Variants in CCDC6 observed in about 807,000 individuals in gnomAD.
CCDC6 encodes the protein coiled-coil domain-containing protein 6.
Under a neutral mutation model 56.6 loss-of-function variants are expected in CCDC6, and 20 were observed. The ratio of observed to expected loss-of-function variants is 0.35; its 90% CI spans 0.25 to 0.51. The LOEUF is 0.51. Ranked by LOEUF, CCDC6 falls within the 20% of genes least tolerant of loss-of-function variation. The pLI, the probability that CCDC6 is intolerant of heterozygous loss-of-function variation, is 0.95. For synonymous variants in CCDC6, 241 were observed against 234.4 expected, an observed-to-expected ratio of 1.03 and a Z score of -0.26; for missense variants, 367 against 601.1, an observed-to-expected ratio of 0.61 and a Z score of 4.07.
chr10:59,876,389 C>A (rs2440906), intron 1 of CCDC6, among the ~76,000 whole-genome samples: 115,318 of 151,684 alleles, frequency 0.76, 44,083 homozygotes, highest in East Asian at 0.9. Flanking sequence ...GCATTACATG[C>A]CCAGCTGCCT....
At chr10:59,806,471 C>T (rs1263223438) in intron 6 of CCDC6, 1 of 153,272 alleles carries the variant, frequency 6.5e-6, no homozygotes, top group Non-Finnish European at 1.5e-5. Context: ...TAAGGCAAGT[C>T]CTTGGGATTT....
chr10:59,830,337 T>C (rs2070825084), intron 3 of CCDC6, among the ~76,000 whole-genome samples: 1 of 152,128 alleles, frequency 6.6e-6, no homozygotes, highest in Non-Finnish European at 1.5e-5. Context: ...AGAGATGGGC[T>C]CAAGGGCTGG....
rs775043755 is a variant in CCDC6 at position 59,792,623 on chromosome 10, T to C, written c.*294A>G. Reference sequence around the variant, plus strand: ...AATGAAGCTCTGGGCCAAGCAAAAATTGCACACTGCTGCTGAAATACCAAA... The same window carrying C: ...AATGAAGCTCTGGGCCAAGCAAAAACTGCACACTGCTGCTGAAATACCAAA... On this transcript the variant is annotated 3_prime_UTR_variant, in exon 9 of 9. Coordinates refer to ENST00000263102, the MANE Select transcript of CCDC6 (RefSeq NM_005436.5). 7.2e-6 allele frequency: 5 copies of C among 691,070 alleles called. No individual in the cohort carries two copies. Among genetic ancestry groups the C allele is most frequent in the African/African-American group, 5.2e-5 (3 of 58,004 alleles). The allele number at this position is 691,070 out of a possible 1,614,324, so 42.8% of individuals were successfully genotyped here.
chr10:59,862,010 T>A (rs2071132811), intron 1 of CCDC6, among the ~76,000 whole-genome samples: 1 of 151,674 alleles, frequency 6.6e-6, no homozygotes, highest in South Asian at 2.1e-4. Flanking sequence ...AACAGACCCA[T>A]CTCCCCAAAT....
chr10:59,796,236 A>T (rs2070517170), intron 7 of CCDC6, among the ~76,000 whole-genome samples: 1 of 151,294 alleles, frequency 6.6e-6, no homozygotes, highest in African/African-American at 2.4e-5. Flanking sequence ...AGTGATGGTG[A>T]GCATTTTTTC....
Position 59,796,507 on chromosome 10 carries a change from G to A in CCDC6, c.1106-1910C>T, listed in dbSNP as rs532552404. Among the ~76,000 whole-genome samples, 3 of 152,130 alleles carry A rather than the reference G, an allele frequency of 2.0e-5. No homozygotes were observed. In the South Asian group the frequency reaches 6.2e-4, roughly 32 times the overall value. On this transcript the variant is annotated intron_variant, in intron 7 of 8. Transcript: ENST00000263102. ...TACACTGTTGGTAGGAATGTAAAAT[G>A]GTGCATCCACTATGGAAATCAGTAT... is the stretch of plus-strand genomic sequence containing the variant.
At chr10:59,818,499 G>GGA (rs1554883209) in intron 3 of CCDC6, among the ~76,000 whole-genome samples, 1 of 116,074 alleles carries the variant, frequency 8.6e-6, no homozygotes, top group African/African-American at 3.9e-5. Flanking sequence ...TGTTGACGGG[G>GGA]GGGGGGGAAG....
At chr10:59,900,952 G>A (rs1349390063) in intron 1 of CCDC6, among the ~76,000 whole-genome samples, 1 of 152,132 alleles carries the variant, frequency 6.6e-6, no homozygotes, top group Non-Finnish European at 1.5e-5. Flanking sequence ...CAGCTAGTAG[G>A]GAGGCTGAGG....
intron 2 of CCDC6, among the ~76,000 whole-genome samples, chr10:59,847,780 A>T (rs1317837762): frequency 6.6e-6 from 1 of 151,052 alleles, no homozygotes; most frequent in Non-Finnish European, 1.5e-5. Flanking sequence ...ACCCAAGTAT[A>T]ATTACTCTAT....
At chr10:59,825,712 T>C (rs2070782657) in intron 3 of CCDC6, among the ~76,000 whole-genome samples, 3 of 152,240 alleles carry the variant, frequency 2.0e-5, no homozygotes, top group Non-Finnish European at 4.4e-5. Flanking sequence ...GGTTATATTT[T>C]TGAATGAATT....
intron 8 of CCDC6, among the ~76,000 whole-genome samples, chr10:59,794,189 G>C (rs2070493315): frequency 6.6e-6 from 1 of 152,232 alleles, no homozygotes; most frequent in Non-Finnish European, 1.5e-5. Context: ...AATGCAAGGA[G>C]CTGGCCAGAG....
intron 1 of CCDC6, among the ~76,000 whole-genome samples, chr10:59,874,313 T>C (rs911265195): frequency 1.3e-5 from 2 of 152,200 alleles, no homozygotes; most frequent in African/African-American, 4.8e-5. Context: ...TGTTCTCCTA[T>C]CCAACCAAGA....
chr10:59,870,976 A>C (rs1238622905), intron 1 of CCDC6, among the ~76,000 whole-genome samples: 1 of 152,202 alleles, frequency 6.6e-6, no homozygotes, highest in African/African-American at 2.4e-5. Flanking sequence ...TCCTGAAATG[A>C]AAACTCATCA....
At chr10:59,869,878 T>G (rs1374937178) in intron 1 of CCDC6, among the ~76,000 whole-genome samples, 1 of 152,102 alleles carries the variant, frequency 6.6e-6, no homozygotes, top group Non-Finnish European at 1.5e-5. Context: ...CCAGCATATC[T>G]GTTCCCACAC....
At chr10:59,892,359 TACACAGCC>T (rs2071428566) in intron 1 of CCDC6, among the ~76,000 whole-genome samples, 2 of 152,338 alleles carry the variant, frequency 1.3e-5, no homozygotes, top group Middle Eastern at 6.8e-3. Flanking sequence ...CTGTTACTTT[TACACAGCC>T]ACACAGACTG....
intron 1 of CCDC6, among the ~76,000 whole-genome samples, chr10:59,882,001 G>C (rs986159216): frequency 2.2e-5 from 3 of 134,698 alleles, no homozygotes; most frequent in African/African-American, 8.4e-5. Context: ...GAGAAGGAAA[G>C]CTGGGGAGAA....
intron 1 of CCDC6, among the ~76,000 whole-genome samples, chr10:59,885,017 T>C (rs1429999966): frequency 6.6e-6 from 1 of 151,320 alleles, no homozygotes; most frequent in Non-Finnish European, 1.5e-5. Flanking sequence ...TGAGTTGAGA[T>C]CGTGCCACCG....
chr10:59,865,240 G>C (rs1249679130), intron 1 of CCDC6, among the ~76,000 whole-genome samples: 1 of 152,162 alleles, frequency 6.6e-6, no homozygotes, highest in Non-Finnish European at 1.5e-5. Context: ...ATACATGCTT[G>C]GAAAACCTGC....
At chr10:59,903,862 CAT>C in intron 1 of CCDC6, among the ~76,000 whole-genome samples, 1 of 152,156 alleles carries the variant, frequency 6.6e-6, no homozygotes, top group Non-Finnish European at 1.5e-5. Flanking sequence ...CATGGAGTCA[CAT>C]AAATTTCTCC....
Sources: allele counts gnomAD v4.1 joint callset (sites outside exome capture counted in the v4.1 genomes callset), GRCh38; gene constraint gnomAD v4.1.1; transcripts MANE v1.5; gene names NCBI Gene and HGNC (gene_info 2026-07-23, HGNC 2026-07-21).